POC5: variants seen among roughly 807,000 people sequenced by gnomAD.
POC5 encodes the protein POC5 centriolar protein.
POC5 carries 48 observed loss-of-function variants against 62.9 expected under a neutral mutation model. The ratio of observed to expected loss-of-function variants is 0.76; its 90% CI spans 0.61 to 0.97. The LOEUF is 0.97. Ranked by LOEUF, POC5 falls within the 50% of genes least tolerant of loss-of-function variation. The pLI, the probability that POC5 is intolerant of heterozygous loss-of-function variation, is 0.00. For synonymous variants in POC5, 236 were observed against 228.2 expected, an observed-to-expected ratio of 1.03 and a Z score of -0.31; for missense variants, 696 against 679.5, an observed-to-expected ratio of 1.02 and a Z score of -0.27.
chr5:75,683,780 A>C (rs1775964033), intron 10 of POC5, among the ~76,000 whole-genome samples: 1 of 151,496 alleles, frequency 6.6e-6, no homozygotes, highest in Non-Finnish European at 1.5e-5. Flanking sequence ...CATAACTCAT[A>C]GTAACCTTGA....
intron 4 of POC5, 36 bp from the exon 5 acceptor site, chr5:75,702,846 T>C (rs746806378): frequency 4.1e-6 from 6 of 1,477,210 alleles, no homozygotes; most frequent in Middle Eastern, 1.7e-4. Context: ...TCAAGCCAAA[T>C]TGAAAATAAC....
chr5:75,697,347 C>T (rs1033624063), intron 5 of POC5, among the ~76,000 whole-genome samples: 8 of 152,152 alleles, frequency 5.3e-5, no homozygotes, highest in African/African-American at 1.9e-4. Context: ...ATCAGACTAA[C>T]AGCTGATCTC....
In POC5 at chr5:75,705,743, C is replaced by G; in HGVS notation, c.268G>C (p.Gly90Arg). The G allele has an allele frequency of 6.4e-7, 1 of 1,555,088 alleles. No homozygotes were observed. The highest frequency in any genetic ancestry group is 1.4e-5 in the African/African-American group (1 of 73,610). Residue 90 changes from glycine to arginine, a missense_variant, in exon 4 of 12, where the codon GGA becomes CGA. Transcript: ENST00000428202. ...VRETAIEVGK[G>R]CDFHISSHSK... ...TGACTTGAAATATGGAAATCACATC[C>G]TTTTCCAACTTCTATTGCAGTTTCT... is the stretch of plus-strand genomic sequence containing the variant.
rs558520185 is a variant in POC5 at position 75,712,883 on chromosome 5, G to T, written c.55C>A (p.Arg19=). The T allele has an allele frequency of 6.2e-7, 1 of 1,612,200 alleles. No homozygotes were observed. The highest frequency in any genetic ancestry group is 2.2e-5 in the East Asian group (1 of 44,850). ...SLPVVQNDSS[R]GSSVSSNLQE... is the part of the protein sequence containing the mutation. ...AGATTCGAAGAGACAGAACTGCCTC[G>T]ACTGGAGTCATTTTGCACAACTGGA... The change falls in exon 2 of 12, where the codon CGA becomes AGA. Residue 19 remains arginine, a synonymous_variant. Coordinates refer to ENST00000428202, the MANE Select transcript of POC5 (RefSeq NM_001099271.2).
chr5:75,716,247 G>A (rs1021964431), intron 1 of POC5, among the ~76,000 whole-genome samples: 2 of 152,004 alleles, frequency 1.3e-5, no homozygotes, highest in Non-Finnish European at 2.9e-5. Context: ...AATTAGGGAG[G>A]ATAAAATAAG....
intron 5 of POC5, among the ~76,000 whole-genome samples, chr5:75,700,187 A>G (rs1776807120): frequency 6.6e-6 from 1 of 151,834 alleles, no homozygotes; most frequent in Non-Finnish European, 1.5e-5. Context: ...CAAGCTACCA[A>G]TGACTTTCTT....
intron 6 of POC5, among the ~76,000 whole-genome samples, chr5:75,693,520 C>A (rs988614836): frequency 3.3e-5 from 5 of 152,036 alleles, no homozygotes; most frequent in African/African-American, 1.2e-4. Context: ...CATATGATAT[C>A]TATATTCTTT....
intron 9 of POC5, among the ~76,000 whole-genome samples, chr5:75,687,132 G>A (rs192684526): frequency 8.4e-4 from 128 of 152,062 alleles, no homozygotes; most frequent in Middle Eastern, 6.8e-3. Flanking sequence ...CTGGGTTCAC[G>A]CCATTCTTCT....
Position 75,704,707 on chromosome 5 carries a change from G to A in POC5, c.307+997C>T, listed in dbSNP as rs985730073. ...ATCATGTAACTTCAGAACTTGTAAG[G>A]GCTGTCAGAGATTATGATGCCTAAG... is the stretch of plus-strand genomic sequence containing the variant. On this transcript the variant is annotated intron_variant, in intron 4 of 11. Transcript: ENST00000428202. Among the ~76,000 whole-genome samples the A allele has an allele frequency of 1.2e-4, 18 of 152,098 alleles. 1 individual carries two copies. Among genetic ancestry groups the A allele is most frequent in the Admixed American group, 9.8e-4 (15 of 15,262 alleles).
chr5:75,698,587 T>C (rs1006198002), intron 5 of POC5, among the ~76,000 whole-genome samples: 1 of 151,796 alleles, frequency 6.6e-6, no homozygotes, highest in South Asian at 2.1e-4. Context: ...GGGAAATTTA[T>C]AGCACTAAAT....
intron 1 of POC5, among the ~76,000 whole-genome samples, chr5:75,713,922 G>A (rs1040674712): frequency 2.0e-5 from 3 of 152,226 alleles, no homozygotes; most frequent in African/African-American, 7.2e-5. Flanking sequence ...GCAAAGGATT[G>A]GCTAAGGATG....
At chr5:75,674,603 A>C in intron 11 of POC5, 25 bp from the exon 12 acceptor site, 1 of 1,610,132 alleles carries the variant, frequency 6.2e-7, no homozygotes, top group Non-Finnish European at 8.5e-7. Flanking sequence ...TTCTGCTTTA[A>C]TAATATCCCA....
At chr5:75,704,883 A>T (rs1299963044) in intron 4 of POC5, among the ~76,000 whole-genome samples, 1 of 152,236 alleles carries the variant, frequency 6.6e-6, no homozygotes, top group African/African-American at 2.4e-5. Context: ...AAAAAGTCTC[A>T]GTCCAGTTCT....
chr5:75,706,791 T>A (rs1777138967), intron 3 of POC5, among the ~76,000 whole-genome samples: 1 of 152,144 alleles, frequency 6.6e-6, no homozygotes, highest in Non-Finnish European at 1.5e-5. Flanking sequence ...GCTCAAGCAA[T>A]CCTCCTGCCT....
chr5:75,701,909 A>G (rs974954961), intron 5 of POC5, among the ~76,000 whole-genome samples: 5 of 152,208 alleles, frequency 3.3e-5, no homozygotes, highest in African/African-American at 1.2e-4. Flanking sequence ...ATCTTTCGTT[A>G]TTGCATAAAA....
intron 10 of POC5, among the ~76,000 whole-genome samples, chr5:75,681,518 T>A (rs1271990667): frequency 6.6e-6 from 1 of 151,990 alleles, no homozygotes; most frequent in Non-Finnish European, 1.5e-5. Flanking sequence ...AAAAATGGTT[T>A]CCACCATGAA....
Position 75,714,715 on chromosome 5 carries a change from T to A in POC5, c.-14-1764A>T, listed in dbSNP as rs1434289876. 3.3e-5 allele frequency among the ~76,000 whole-genome samples: 5 copies of A among 152,132 alleles called. No individual in the cohort carries two copies. In the East Asian group the frequency reaches 9.7e-4, roughly 29 times the overall value. On this transcript the variant is annotated intron_variant, in intron 1 of 11. Coordinates refer to ENST00000428202, the MANE Select transcript of POC5 (RefSeq NM_001099271.2). ...AGTGCCATATCAGATGAGCTGGGTG[T>A]GAGGATGCCTCTGAGGCACTAGGGT... is the stretch of plus-strand genomic sequence containing the variant.
At chr5:75,707,564 G>C in intron 3 of POC5, 173 bp downstream of exon 3, 3 of 487,626 alleles carry the variant, frequency 6.2e-6, no homozygotes, top group Non-Finnish European at 3.6e-6. Context: ...GCTGTCACAC[G>C]AGAGTCAGGA....
At chr5:75,675,757 G>A (rs1030841068) in intron 11 of POC5, among the ~76,000 whole-genome samples, 1 of 152,206 alleles carries the variant, frequency 6.6e-6, no homozygotes, top group East Asian at 1.9e-4. Context: ...TCCTTGAGGA[G>A]GATGGGCAAG....
Sources: allele counts gnomAD v4.1 joint callset (sites outside exome capture counted in the v4.1 genomes callset), GRCh38; gene constraint gnomAD v4.1.1; transcripts MANE v1.5; gene names NCBI Gene and HGNC (gene_info 2026-07-23, HGNC 2026-07-21).